SHOC2: variants seen among roughly 807,000 people sequenced by gnomAD.
The protein encoded by SHOC2 is SHOC2 leucine rich repeat scaffold protein.
In SHOC2, 4 loss-of-function variants were observed where a neutral mutation model predicts 50.2. The observed-to-expected ratio is 0.08, with a 90% CI of 0.04 to 0.18. SHOC2 has a LOEUF of 0.18. Ranked by LOEUF, SHOC2 falls within the 10% of genes least tolerant of loss-of-function variation. The pLI is 1.00. For missense variants in SHOC2, 388 were observed against 669.6 expected (o/e 0.58, Z 4.64); for synonymous variants, 218 against 244.5 (o/e 0.89, Z 1.01).
At chr10:110,954,285 A>AT (rs1564710748) in intron 1 of SHOC2, among the ~76,000 whole-genome samples, 1 of 152,118 alleles carries the variant, frequency 6.6e-6, no homozygotes, top group South Asian at 2.1e-4. Context: ...CTGATTATAC[A>AT]TTTTTTAACA....
At chr10:110,949,765 A>G (rs925495660) in intron 1 of SHOC2, among the ~76,000 whole-genome samples, 14 of 152,366 alleles carry the variant, frequency 9.2e-5, no homozygotes, top group African/African-American at 3.4e-4. Flanking sequence ...CAGGGATGCA[A>G]GGATGGTTCA....
intron 3 of SHOC2, among the ~76,000 whole-genome samples, chr10:110,993,785 CT>C (rs1160318537): frequency 1.3e-5 from 2 of 152,114 alleles, no homozygotes; most frequent in Non-Finnish European, 2.9e-5. Context: ...ATTTACTAGG[CT>C]TTTGAGTTGA....
intron 2 of SHOC2, among the ~76,000 whole-genome samples, chr10:110,981,695 TC>T (rs1256733980): frequency 1.3e-5 from 2 of 152,154 alleles, no homozygotes; most frequent in Non-Finnish European, 2.9e-5. Flanking sequence ...GTATGAATCA[TC>T]AAATGATCTT....
At chr10:110,951,306 C>G (rs115883141) in intron 1 of SHOC2, among the ~76,000 whole-genome samples, 3,247 of 152,134 alleles carry the variant, frequency 0.021, 124 homozygotes, top group African/African-American at 0.075. Context: ...CAGGGAAATG[C>G]AAATAAAAAC....
intron 5 of SHOC2, among the ~76,000 whole-genome samples, chr10:111,006,444 C>T (rs1385684622): frequency 6.6e-6 from 1 of 151,972 alleles, no homozygotes; most frequent in African/African-American, 2.4e-5. Context: ...GATCTCGGCT[C>T]ACTGCAAGCT....
intron 2 of SHOC2, among the ~76,000 whole-genome samples, chr10:110,979,682 C>T (rs1334191680): frequency 6.6e-6 from 1 of 152,194 alleles, no homozygotes; most frequent in Non-Finnish European, 1.5e-5. Context: ...AAATGTTCTA[C>T]CATGATAACA....
At chr10:110,958,046 G>C (rs570809874) in intron 1 of SHOC2, among the ~76,000 whole-genome samples, 1 of 152,180 alleles carries the variant, frequency 6.6e-6, no homozygotes, top group African/African-American at 2.4e-5. Flanking sequence ...AAGGAAAAAA[G>C]ATCCGTCTTC....
At chr10:110,935,639 CT>C (rs1229753703) in intron 1 of SHOC2, among the ~76,000 whole-genome samples, 4 of 151,642 alleles carry the variant, frequency 2.6e-5, no homozygotes, top group Admixed American at 1.3e-4. Flanking sequence ...TAATATGAGA[CT>C]TTTTTTTCAA....
chr10:111,000,310 C>T (rs1848346049), intron 3 of SHOC2, 105 bp from the exon 4 acceptor site: 1 of 1,104,432 alleles, frequency 9.1e-7, no homozygotes, highest in South Asian at 1.3e-5. Context: ...CTTGCTGAAA[C>T]AGTACTTTGA....
chr10:110,937,010 G>A (rs1847035073), intron 1 of SHOC2: 1 of 1,482,590 alleles, frequency 6.7e-7, no homozygotes, highest in South Asian at 1.1e-5. Context: ...GGGGCTGGGG[G>A]CCCGGAAGTG....
Position 111,009,729 on chromosome 10 carries a change from A to C in SHOC2, c.1439A>C (p.Asn480Thr), listed in dbSNP as rs995403413. The change falls in exon 8 of 9, where the codon AAC (asparagine) becomes ACC (threonine). Residue 480 changes from asparagine to threonine, a missense_variant. Asn to Thr is a moderately conservative substitution (Grantham distance 65). Coordinates refer to ENST00000369452, the MANE Select transcript of SHOC2 (RefSeq NM_007373.4). Reference sequence around the variant, plus strand: ...ATCTTTTAGAAATTAGTCTTGACAAACAACCAGTTGACCACTCTTCCCAGA... The same window carrying C: ...ATCTTTTAGAAATTAGTCTTGACAACCAACCAGTTGACCACTCTTCCCAGA... Reference protein sequence around the residue: ...LKDLQKLVLTNNQLTTLPRGI... With the variant: ...LKDLQKLVLTTNQLTTLPRGI... 1.2e-6 allele frequency: 2 copies of C among 1,609,200 alleles called. No individual in the cohort carries two copies. The highest frequency in any genetic ancestry group is 1.3e-5 in the African/African-American group (1 of 74,950).
intron 1 of SHOC2, among the ~76,000 whole-genome samples, chr10:110,944,055 A>G (rs1046078562): frequency 6.6e-6 from 1 of 152,152 alleles, no homozygotes; most frequent in Non-Finnish European, 1.5e-5. Flanking sequence ...AGACCTGCCT[A>G]TTATCTCCCT....
At chr10:110,967,392 C>A (rs1847696490) in intron 2 of SHOC2, among the ~76,000 whole-genome samples, 1 of 152,084 alleles carries the variant, frequency 6.6e-6, no homozygotes, top group Non-Finnish European at 1.5e-5. Flanking sequence ...AAAGAGCAGC[C>A]TGTGTTAGTT....
chr10:110,993,537 G>A (rs1848219948), intron 3 of SHOC2, among the ~76,000 whole-genome samples: 1 of 152,050 alleles, frequency 6.6e-6, no homozygotes, highest in African/African-American at 2.4e-5. Context: ...AGATTACATT[G>A]TTAGAAATTC....
chr10:110,932,176 G>T (rs1434739389), intron 1 of SHOC2, among the ~76,000 whole-genome samples: 1 of 152,152 alleles, frequency 6.6e-6, no homozygotes, highest in Non-Finnish European at 1.5e-5. Flanking sequence ...ACGCTGCCAT[G>T]GGATGTGAAA....
intron 3 of SHOC2, among the ~76,000 whole-genome samples, chr10:110,986,564 C>T (rs1273502917): frequency 1.3e-5 from 2 of 152,124 alleles, no homozygotes; most frequent in Non-Finnish European, 2.9e-5. Context: ...GCCTCCGCCT[C>T]CTGGGTTCAT....
chr10:110,946,286 G>T (rs1038792899), intron 1 of SHOC2, among the ~76,000 whole-genome samples: 2 of 150,870 alleles, frequency 1.3e-5, no homozygotes. Context: ...TCTTAAAGAA[G>T]AAATTTATTC....
rs1848572313 is a variant in SHOC2 at position 111,011,870 on chromosome 10, T to C, written c.*52T>C. ...TTCAAAAATAGACTGCCATTAATGT[T>C]TCTTATCTATATCTGTATCTATTTA... On this transcript the variant is annotated 3_prime_UTR_variant, in exon 9 of 9. Transcript: ENST00000369452. The C allele has an allele frequency of 8.2e-6, 11 of 1,342,944 alleles. No individual in the cohort carries two copies. The highest frequency in any genetic ancestry group is 2.0e-4 in the Middle Eastern group (1 of 5,064). The allele number at this position is 1,342,944 out of a possible 1,614,324, so 83.2% of individuals were successfully genotyped here. A position where few individuals can be genotyped will look rare whatever the true frequency, so the allele number is the denominator to read the frequency against.
At chr10:111,007,422 A>AG in intron 5 of SHOC2, 109 bp from the exon 6 acceptor site, 1 of 1,239,476 alleles carries the variant, frequency 8.1e-7, no homozygotes, top group Non-Finnish European at 1.2e-6. Context: ...AATATCAAAA[A>AG]GGGGAATAAG....
Sources: allele counts gnomAD v4.1 joint callset (sites outside exome capture counted in the v4.1 genomes callset), GRCh38; gene constraint gnomAD v4.1.1; transcripts MANE v1.5; gene names NCBI Gene and HGNC (gene_info 2026-07-23, HGNC 2026-07-21).